The following TUBGCP5 variants were observed in gnomAD, a reference collection of about 807,000 sequenced individuals.
TUBGCP5 encodes the protein tubulin gamma complex component 5, also known as gamma-tubulin complex component 5.
In TUBGCP5, 98 loss-of-function variants were observed where a neutral mutation model predicts 134.7. The observed-to-expected ratio is 0.73, with a 90% confidence interval of 0.62 to 0.86. TUBGCP5 has a LOEUF of 0.86. TUBGCP5 is among the 40% of genes least tolerant of loss of function. TUBGCP5 has a pLI of 0.00. For synonymous variants in TUBGCP5, 456 were observed against 431.4 expected, an observed-to-expected ratio of 1.06 and a Z score of -0.71; for missense variants, 1,150 against 1,244.8, an observed-to-expected ratio of 0.92 and a Z score of 1.15.
At position 23,004,088 on chromosome 15, in the gene TUBGCP5, G is replaced by A. The variant is rs756076479; in HGVS notation, c.2838+14C>T. The stretch of plus-strand genomic sequence containing the variant: ...CCCAGCAGTGGCCACATCTGCAGGA[G>A]ACATCTCATGTACCTTTTCTCTCAG... On this transcript the variant is annotated intron_variant, in intron 20 of 22. Coordinates refer to ENST00000615383, the MANE Select transcript of TUBGCP5 (RefSeq NM_052903.6). The A allele has an allele frequency of 7.5e-6, 12 of 1,601,488 alleles. No individual in the cohort carries two copies. In the Admixed American group the frequency reaches 2.1e-4, roughly 28 times the overall value.
At chr15:23,036,282 T>C (rs1199883354) in intron 3 of TUBGCP5, among the ~76,000 whole-genome samples, 1 of 152,170 alleles carries the variant, frequency 6.6e-6, no homozygotes, top group East Asian at 1.9e-4. Flanking sequence ...GGTAATACTT[T>C]GCACATGTTG....
At position 23,005,455 on chromosome 15, in the gene TUBGCP5, A is replaced by G. The variant is rs1369109339; in HGVS notation, c.2689T>C (p.Leu897=). 3 of 1,614,138 alleles carry G rather than the reference A, an allele frequency of 1.9e-6. No homozygotes were observed. The highest frequency in any genetic ancestry group is 1.1e-5 in the South Asian group (1 of 91,072). The part of the protein sequence containing the change: ...RVKLMHFVNS[L]HNYIMTRILH... ...ACCCTGGTCATGATGTAGTTGTGCA[A>G]GCTGTTCACGAAATGCATGAGCTTC... The change falls in exon 19 of 23, where the codon TTG becomes CTG. Residue 897 remains leucine, a synonymous_variant. Transcript: ENST00000615383.
chr15:23,027,571 G>A (rs992504042), intron 6 of TUBGCP5, among the ~76,000 whole-genome samples: 1 of 150,760 alleles, frequency 6.6e-6, no homozygotes, highest in Non-Finnish European at 1.5e-5. Context: ...GGGCAACAAA[G>A]TATGACCCCC....
At chr15:22,984,033 T>C (rs2063608896) in intron 23 of TUBGCP5, among the ~76,000 whole-genome samples, 1 of 152,036 alleles carries the variant, frequency 6.6e-6, no homozygotes, top group African/African-American at 2.4e-5. Context: ...GGCAGGAGAA[T>C]CACTTGAACC....
At chr15:23,024,463 CTT>C (rs2065882342) in intron 9 of TUBGCP5, 4 of 446,056 alleles carry the variant, frequency 9.0e-6, no homozygotes, top group Non-Finnish European at 1.5e-5. Flanking sequence ...CAGTATATAA[CTT>C]TCACAATACA....
chr15:23,019,460 G>A (rs2065535896), intron 11 of TUBGCP5, 126 bp from the exon 12 acceptor site: 1 of 684,416 alleles, frequency 1.5e-6, no homozygotes, highest in Non-Finnish European at 2.6e-6. Flanking sequence ...GGGGCACAAA[G>A]AAATTAAAAA....
intron 13 of TUBGCP5, among the ~76,000 whole-genome samples, chr15:23,012,321 T>A (rs1408998070): frequency 2.0e-5 from 3 of 152,096 alleles, no homozygotes; most frequent in Non-Finnish European, 4.4e-5. Flanking sequence ...TTCAAGTAGA[T>A]ACAATAATAT....
Position 23,010,137 on chromosome 15 carries a change from C to G in TUBGCP5, c.1956-4G>C, listed in dbSNP as rs1047860448. The G allele has an allele frequency of 3.1e-6, 5 of 1,608,230 alleles. No homozygotes were observed. The highest frequency in any genetic ancestry group is 4.3e-6 in the Non-Finnish European group (5 of 1,176,066). ...GTCACTCTGCTCCAAATACATCCTT[C>G]AAGATAAAAATGTGAGTCTTCTTTT... On this transcript the variant is annotated splice_polypyrimidine_tract_variant and splice_region_variant and intron_variant, in intron 14 of 22. Coordinates refer to ENST00000615383, the MANE Select transcript of TUBGCP5 (RefSeq NM_052903.6).
chr15:22,994,066 G>A (rs1044045811), intron 23 of TUBGCP5, among the ~76,000 whole-genome samples: 1 of 151,972 alleles, frequency 6.6e-6, no homozygotes, highest in Admixed American at 6.6e-5. Context: ...GTGTCTCACA[G>A]AATCTCTCCA....
intron 8 of TUBGCP5, among the ~76,000 whole-genome samples, chr15:23,025,497 G>C (rs1181535491): frequency 6.6e-6 from 1 of 152,154 alleles, no homozygotes; most frequent in East Asian, 1.9e-4. Flanking sequence ...CTGGCTTCCA[G>C]GTACGGGCAC....
downstream of TUBGCP5, chr15:22,999,141 C>T (rs901538876): frequency 3.3e-5 from 5 of 152,158 alleles, no homozygotes; most frequent in African/African-American, 1.2e-4. Context: ...TAAAAAGCTT[C>T]TGTGACTGTA....
chr15:23,017,855 C>T lies in TUBGCP5; in HGVS notation c.1674G>A (p.Gln558=), dbSNP rs749933236. ...MVSFLKPVLK[Q]IIMAGKSMQL... is the part of the protein sequence containing the mutation. Reference sequence around the variant, plus strand: ...GCATCGACTTGCCAGCCATTATGATCTGCTTCAGGACAGGTTTGAGGAAGG... The same window carrying T: ...GCATCGACTTGCCAGCCATTATGATTTGCTTCAGGACAGGTTTGAGGAAGG... The change falls in exon 13 of 23, where the codon CAG becomes CAA. Residue 558 remains glutamine, a synonymous_variant. Transcript: ENST00000615383. 1 of 1,614,112 alleles carries T rather than the reference C, an allele frequency of 6.2e-7. No individual in the cohort carries two copies. The highest frequency in any genetic ancestry group is 8.5e-7 in the Non-Finnish European group (1 of 1,179,972).
At chr15:23,019,874 A>G (rs1361313116) in intron 11 of TUBGCP5, among the ~76,000 whole-genome samples, 1 of 152,198 alleles carries the variant, frequency 6.6e-6, no homozygotes, top group African/African-American at 2.4e-5. Context: ...CCAGACTGGG[A>G]AACTTGAGAG....
In TUBGCP5 at chr15:23,022,073, TCC is replaced by T. The variant is rs1164995679; in HGVS notation, c.1255_1256del (p.Gly419SerfsTer7). The part of the protein sequence containing the change: ...LKVLHKVFST[G>X]VAEVPPDTRN... The stretch of plus-strand genomic sequence containing the variant: ...GAGTATCAGGTGGAACTTCTGCTAC[TCC>T]AGTACTAAACACTTTGTGCAGAACC... On this transcript the variant is annotated frameshift_variant, in exon 11 of 23. Transcript: ENST00000615383. LOFTEE classifies it high-confidence loss of function. The T allele has an allele frequency of 6.2e-7, 1 of 1,614,184 alleles. No homozygotes were observed. Among genetic ancestry groups the T allele is most frequent in the East Asian group, 2.2e-5 (1 of 44,888 alleles).
intron 23 of TUBGCP5, among the ~76,000 whole-genome samples, chr15:22,993,827 G>A (rs962297715): frequency 6.6e-6 from 1 of 151,784 alleles, no homozygotes; most frequent in African/African-American, 2.4e-5. Context: ...TTACAGGCGT[G>A]AGCCACCGTG....
rs376638928 is a variant in TUBGCP5, at chr15:23,024,327, ATGAT to A, written c.922-138_922-135del. The A allele has an allele frequency of 4.5e-3, 4,056 of 910,430 alleles. 21 individuals are homozygous for A. The highest frequency in any genetic ancestry group is 4.7e-3 in the Non-Finnish European group (3,024 of 641,480). The allele number at this position is 910,430 out of a possible 1,614,324, so 56.4% of individuals were successfully genotyped here. On this transcript the variant is annotated intron_variant, in intron 9 of 22. Coordinates refer to ENST00000615383, the MANE Select transcript of TUBGCP5 (RefSeq NM_052903.6). Reference sequence around the variant, plus strand: ...GTTTAGTAGAAGACAAAGTAATAATATGATTAATATTTATAATTTTATACACAAA... The same window carrying A: ...GTTTAGTAGAAGACAAAGTAATAATATAATATTTATAATTTTATACACAAA...
chr15:23,015,416 T>C (rs925512854), intron 13 of TUBGCP5, among the ~76,000 whole-genome samples: 4 of 146,668 alleles, frequency 2.7e-5, no homozygotes, highest in African/African-American at 1.0e-4. Context: ...CCGAGGCGGG[T>C]GGATTGCTTG....
chr15:22,996,297 G>A (rs970703433), downstream of TUBGCP5, among the ~76,000 whole-genome samples: 7 of 151,834 alleles, frequency 4.6e-5, no homozygotes, highest in South Asian at 2.1e-4. Context: ...TGTGGTGCTC[G>A]TGCGGTTTAA....
rs2064260065 is a variant in TUBGCP5 at position 22,999,767 on chromosome 15, G to T, written c.*53C>A. On this transcript the variant is annotated 3_prime_UTR_variant, in exon 23 of 23. Coordinates refer to ENST00000615383, the MANE Select transcript of TUBGCP5 (RefSeq NM_052903.6). ...TTTCACTTTTCAGCTGCACATGGTG[G>T]AAATGTACATGTATGATGACAAAGT... The T allele has an allele frequency of 9.6e-6, 15 of 1,557,210 alleles. No individual in the cohort carries two copies. Among genetic ancestry groups the T allele is most frequent in the Non-Finnish European group, 1.3e-5 (15 of 1,129,626 alleles).
Sources: gnomAD v4.1 joint callset for allele counts (sites outside exome capture counted in the v4.1 genomes callset) on GRCh38, gnomAD v4.1.1 for gene constraint, MANE v1.5 for transcripts, NCBI Gene and HGNC (gene_info 2026-07-23, HGNC 2026-07-21) for gene names.